PPIG: variants seen among roughly 807,000 people sequenced by gnomAD.
The protein encoded by PPIG is peptidyl-prolyl cis-trans isomerase G.
PPIG carries 26 observed loss-of-function variants against 87.9 expected under a neutral mutation model. The ratio of observed to expected loss-of-function variants is 0.30; its 90% confidence interval spans 0.22 to 0.41. The LOEUF (loss-of-function observed/expected upper bound fraction) is 0.41, where lower values mean the gene tolerates loss of function less well. PPIG is among the 10% of genes least tolerant of loss of function. The pLI is 1.00. For missense variants in PPIG, 722 were observed against 879.4 expected (o/e 0.82, Z 2.26); for synonymous variants, 308 against 276.5 (o/e 1.11, Z -1.13).
rs200463540 is a variant in PPIG, at chr2:169,631,746, G to A, written c.762-20G>A. On this transcript the variant is annotated intron_variant, in intron 10 of 13. Coordinates refer to ENST00000260970, the MANE Select transcript of PPIG (RefSeq NM_004792.3). ...ATAATAACCAACTGTAACTTGTTTT[G>A]TGTGTTTCTGTCTGTTAAGTGCATC... 1.9e-6 allele frequency: 3 copies of A among 1,613,234 alleles called. No homozygotes were observed. Among genetic ancestry groups the A allele is most frequent in the Non-Finnish European group, 1.7e-6 (2 of 1,179,680 alleles).
chr2:169,633,292 C>A, intron 12 of PPIG, 45 bp downstream of exon 12: 1 of 1,375,798 alleles, frequency 7.3e-7, no homozygotes, highest in Non-Finnish European at 1.0e-6. Context: ...TTGCATTTGT[C>A]TTCCTTAAAT....
At chr2:169,589,382 CAA>C (rs1684798492) in intron 1 of PPIG, among the ~76,000 whole-genome samples, 1 of 152,112 alleles carries the variant, frequency 6.6e-6, no homozygotes, top group Non-Finnish European at 1.5e-5. Flanking sequence ...TAAATATACT[CAA>C]ATGTTTTTGA....
intron 9 of PPIG, among the ~76,000 whole-genome samples, chr2:169,619,187 G>A (rs1685679842): frequency 6.6e-6 from 1 of 152,186 alleles, no homozygotes; most frequent in East Asian, 1.9e-4. Context: ...TTTTGAGTGA[G>A]TTTCTTAATC....
At chr2:169,587,224 T>C (rs1218952230) in intron 1 of PPIG, among the ~76,000 whole-genome samples, 1 of 151,476 alleles carries the variant, frequency 6.6e-6, no homozygotes, top group African/African-American at 2.4e-5. Flanking sequence ...TGAGCCACTG[T>C]GCACTGTGCC....
chr2:169,610,997 T>A (rs928075670), intron 7 of PPIG, among the ~76,000 whole-genome samples: 2 of 152,074 alleles, frequency 1.3e-5, no homozygotes, highest in African/African-American at 4.8e-5. Context: ...TCACTTGAGG[T>A]TAGGTGTTCG....
intron 9 of PPIG, among the ~76,000 whole-genome samples, chr2:169,621,947 T>G (rs1295800552): frequency 6.6e-6 from 1 of 151,406 alleles, no homozygotes; most frequent in Non-Finnish European, 1.5e-5. Flanking sequence ...AAAAAATTTT[T>G]TTTTAATTAA....
In PPIG at chr2:169,584,385, G is replaced by T. The variant is rs187582728; in HGVS notation, c.-175G>T. The T allele has an allele frequency of 8.1e-5, 38 of 471,170 alleles. No individual in the cohort carries two copies. The East Asian group carries it at 2.1e-3, about 26-fold the overall frequency. 29.2% of individuals were successfully genotyped at this position (471,170 alleles called of 1,614,324 possible). ...TCTCTCCATGCCAGGACTGAGTTGT[G>T]GGGGAGGGAGGCGGTTAGCGGGCTT... is the stretch of plus-strand genomic sequence containing the variant. On this transcript the variant is annotated 5_prime_UTR_variant, in exon 1 of 14. Transcript: ENST00000260970.
Position 169,637,533 on chromosome 2 carries a change from A to G in PPIG, c.*10A>G, listed in dbSNP as rs1310161182. 12 of 1,544,198 alleles carry G rather than the reference A, an allele frequency of 7.8e-6. No homozygotes were observed. Among genetic ancestry groups the G allele is most frequent in the Non-Finnish European group, 9.5e-6 (11 of 1,154,264 alleles). The stretch of plus-strand genomic sequence containing the variant: ...AGACAAAAGCGGATGAGTGAGTTAT[A>G]TAAACTTACTTCCATTCTGTTTCGG... On this transcript the variant is annotated 3_prime_UTR_variant, in exon 14 of 14. Coordinates refer to ENST00000260970, the MANE Select transcript of PPIG (RefSeq NM_004792.3).
chr2:169,617,596 G>A (rs1443715406), intron 9 of PPIG, among the ~76,000 whole-genome samples: 1 of 152,076 alleles, frequency 6.6e-6, no homozygotes, highest in African/African-American at 2.4e-5. Context: ...TGTGTTCCTA[G>A]GTTTTTTATT....
intron 1 of PPIG, among the ~76,000 whole-genome samples, chr2:169,595,428 CTTTATT>C (rs1320626550): frequency 2.6e-5 from 4 of 152,280 alleles, no homozygotes; most frequent in South Asian, 2.1e-4. Context: ...CAGTTATACT[CTTTATT>C]TTTAAATATA....
chr2:169,603,117 A>G (rs1685229011), intron 1 of PPIG, among the ~76,000 whole-genome samples: 1 of 152,174 alleles, frequency 6.6e-6, no homozygotes. Flanking sequence ...TATATTAATT[A>G]TTTTTAATAA....
chr2:169,610,684 C>A (rs535161789), intron 7 of PPIG, among the ~76,000 whole-genome samples: 1 of 152,044 alleles, frequency 6.6e-6, no homozygotes. Context: ...TAAACATAAG[C>A]AAATACATGT....
chr2:169,592,542 G>T (rs1231471828), intron 1 of PPIG, among the ~76,000 whole-genome samples: 1 of 152,026 alleles, frequency 6.6e-6, no homozygotes, highest in Non-Finnish European at 1.5e-5. Flanking sequence ...CTGGCCTTGT[G>T]ATCCGCACGC....
Position 169,606,206 on chromosome 2 carries a change from A to G in PPIG, c.244+60A>G. On this transcript the variant is annotated intron_variant, in intron 5 of 13. Coordinates refer to ENST00000260970, the MANE Select transcript of PPIG (RefSeq NM_004792.3). Reference sequence around the variant, plus strand: ...TAAATATCACAGATCTCAAAGTTAGACAAGTCCCTAGAAGTTTTAGTCCAA... The same window carrying G: ...TAAATATCACAGATCTCAAAGTTAGGCAAGTCCCTAGAAGTTTTAGTCCAA... The G allele has an allele frequency of 3.2e-6, 4 of 1,254,630 alleles. No homozygotes were observed. In the South Asian group the frequency reaches 4.9e-5, roughly 15 times the overall value. 77.7% of individuals were successfully genotyped at this position (1,254,630 alleles called of 1,614,324 possible). A position where few individuals can be genotyped will look rare whatever the true frequency, so the allele number is the denominator to read the frequency against.
intron 11 of PPIG, among the ~76,000 whole-genome samples, chr2:169,632,303 A>G (rs1686078362): frequency 6.6e-6 from 1 of 152,236 alleles, no homozygotes; most frequent in Non-Finnish European, 1.5e-5. Context: ...CAGTTTGTCT[A>G]ATAGGAAAAA....
intron 9 of PPIG, among the ~76,000 whole-genome samples, chr2:169,617,782 A>C (rs2105503944): frequency 6.6e-6 from 1 of 152,306 alleles, no homozygotes; most frequent in South Asian, 2.1e-4. Context: ...CTAAATATAC[A>C]ATCATGTCAT....
chr2:169,612,740 G>T (rs1004103282), intron 7 of PPIG, among the ~76,000 whole-genome samples: 1 of 151,964 alleles, frequency 6.6e-6, no homozygotes, highest in Admixed American at 6.6e-5. Context: ...CACATTTTTT[G>T]ATTCATCTGT....
chr2:169,599,195 T>G (rs1685108162), intron 1 of PPIG, among the ~76,000 whole-genome samples: 1 of 152,144 alleles, frequency 6.6e-6, no homozygotes, highest in Admixed American at 6.6e-5. Context: ...ATAAATGAGG[T>G]CATTTTTTAT....
intron 1 of PPIG, among the ~76,000 whole-genome samples, chr2:169,603,168 A>T (rs1415524576): frequency 6.6e-6 from 1 of 152,236 alleles, no homozygotes; most frequent in Non-Finnish European, 1.5e-5. Context: ...TACATAGCAT[A>T]TGAAACTGTC....
Sources: allele counts gnomAD v4.1 joint callset (sites outside exome capture counted in the v4.1 genomes callset), GRCh38; gene constraint gnomAD v4.1.1; transcripts MANE v1.5; gene names NCBI Gene and HGNC (gene_info 2026-07-23, HGNC 2026-07-21).